ALDH18A1: variants seen among roughly 807,000 people sequenced by gnomAD.
ALDH18A1 encodes the protein delta-1-pyrroline-5-carboxylate synthase.
Under a neutral mutation model 88.8 loss-of-function variants are expected in ALDH18A1, and 44 were observed. The ratio of observed to expected loss-of-function variants is 0.50; its 90% CI spans 0.39 to 0.64. The LOEUF is 0.64. Ranked by LOEUF, ALDH18A1 falls within the 30% of genes least tolerant of loss-of-function variation. The probability of loss-of-function intolerance (pLI) is 0.00; values close to 1 mark genes in which losing one functional copy is unlikely to be tolerated. For missense variants in ALDH18A1, 782 were observed against 1,009.5 expected, an observed-to-expected ratio of 0.77 and a Z score of 3.05; for synonymous variants, 331 against 372.1, an observed-to-expected ratio of 0.89 and a Z score of 1.27.
intron 3 of ALDH18A1, among the ~76,000 whole-genome samples, chr10:95,638,164 C>T (rs1361598430): frequency 6.6e-6 from 1 of 152,260 alleles, no homozygotes; most frequent in East Asian, 1.9e-4. Flanking sequence ...CAGGCTCATG[C>T]CACCATGCCC....
chr10:95,618,567 G>T lies in ALDH18A1; in HGVS notation c.1468-1953C>A, dbSNP rs1335310988. On this transcript the variant is annotated intron_variant, in intron 12 of 17. Coordinates refer to ENST00000371224, the MANE Select transcript of ALDH18A1 (RefSeq NM_002860.4). Reference sequence around the variant, plus strand: ...TTGACCTCGTGATTCACCTGCCTGGGCCTCCCAAAGTGCTGGGATTACAGG... The same window carrying T: ...TTGACCTCGTGATTCACCTGCCTGGTCCTCCCAAAGTGCTGGGATTACAGG... Among the ~76,000 whole-genome samples, 17 of 152,156 alleles carry T rather than the reference G, an allele frequency of 1.1e-4. 1 individual carries two copies. Among genetic ancestry groups the T allele is most frequent in the Admixed American group, 1.1e-3 (17 of 15,276 alleles).
chr10:95,613,321 G>C (rs1238204697), intron 15 of ALDH18A1, among the ~76,000 whole-genome samples: 2 of 152,184 alleles, frequency 1.3e-5, no homozygotes, highest in Admixed American at 1.3e-4. Flanking sequence ...ACTAATATTG[G>C]TAACCAAAGA....
intron 7 of ALDH18A1, among the ~76,000 whole-genome samples, chr10:95,632,179 C>T (rs2097871359): frequency 6.6e-6 from 1 of 152,044 alleles, no homozygotes; most frequent in Admixed American, 6.5e-5. Flanking sequence ...ACAGGTTAAT[C>T]CATAGAAACA....
intron 1 of ALDH18A1, among the ~76,000 whole-genome samples, chr10:95,656,120 G>C (rs1193766940): frequency 2.0e-5 from 3 of 152,252 alleles, no homozygotes; most frequent in Admixed American, 6.5e-5. Context: ...GAGGGCCGCG[G>C]GGAACTAGGG....
chr10:95,621,287 G>C, intron 11 of ALDH18A1, 36 bp from the exon 12 acceptor site: 1 of 1,523,884 alleles, frequency 6.6e-7, no homozygotes, highest in Non-Finnish European at 9.0e-7. Flanking sequence ...TAAAGTAGCA[G>C]ACCTGGCAGG....
intron 11 of ALDH18A1, among the ~76,000 whole-genome samples, chr10:95,624,068 C>G (rs1023053753): frequency 6.6e-6 from 1 of 152,212 alleles, no homozygotes; most frequent in Non-Finnish European, 1.5e-5. Context: ...GAACTCAGAC[C>G]TCAGGTGATC....
At chr10:95,625,875 T>C (rs1566016709) in intron 10 of ALDH18A1, among the ~76,000 whole-genome samples, 1 of 152,096 alleles carries the variant, frequency 6.6e-6, no homozygotes, top group African/African-American at 2.4e-5. Flanking sequence ...ACATAGAGTC[T>C]TACATATTTA....
Position 95,606,108 on chromosome 10 carries a change from G to C in ALDH18A1, c.*654C>G, listed in dbSNP as rs1174710364. On this transcript the variant is annotated 3_prime_UTR_variant, in exon 18 of 18. Coordinates refer to ENST00000371224, the MANE Select transcript of ALDH18A1 (RefSeq NM_002860.4). ...CCTCCAGCTCAGTGGGGAACATCCTGAAACTTGCATCTCCTGCTGCAGCTT... is the reference window on the plus strand; with the variant it reads ...CCTCCAGCTCAGTGGGGAACATCCTCAAACTTGCATCTCCTGCTGCAGCTT... 2 of 328,992 alleles carry C rather than the reference G, an allele frequency of 6.1e-6. No individual in the cohort carries two copies. The highest frequency in any genetic ancestry group is 8.7e-6 in the Non-Finnish European group (2 of 229,498). The allele number at this position is 328,992 out of a possible 1,614,324, so 20.4% of individuals were successfully genotyped here.
chr10:95,633,200 C>G, intron 6 of ALDH18A1, 151 bp from the exon 7 acceptor site: 1 of 773,918 alleles, frequency 1.3e-6, no homozygotes, highest in Non-Finnish European at 2.2e-6. Flanking sequence ...TTGCAGGCCC[C>G]TTCTGTCTGC....
At chr10:95,617,691 T>G (rs1247240594) in intron 12 of ALDH18A1, among the ~76,000 whole-genome samples, 1 of 152,200 alleles carries the variant, frequency 6.6e-6, no homozygotes, top group African/African-American at 2.4e-5. Flanking sequence ...TTTTTAGGAT[T>G]CATGGATTCT....
chr10:95,643,253 T>A (rs1278092940), intron 2 of ALDH18A1, 47 bp from the exon 3 acceptor site: 1 of 1,580,204 alleles, frequency 6.3e-7, no homozygotes, highest in Non-Finnish European at 8.7e-7. Context: ...ATACTCAATA[T>A]AGTTTTTCAA....
intron 3 of ALDH18A1, 142 bp from the exon 4 acceptor site, chr10:95,637,578 T>C: frequency 5.2e-6 from 5 of 970,688 alleles, no homozygotes; most frequent in Non-Finnish European, 6.2e-6. Context: ...TCTGGAAGAA[T>C]CAGCCAGATT....
intron 12 of ALDH18A1, among the ~76,000 whole-genome samples, chr10:95,620,788 C>T (rs1309721167): frequency 1.4e-4 from 4 of 29,304 alleles, no homozygotes; most frequent in East Asian, 7.0e-4. Flanking sequence ...TGGGGCCTGT[C>T]GGGGGGTGGG....
At chr10:95,652,562 C>T (rs985732827) in intron 2 of ALDH18A1, among the ~76,000 whole-genome samples, 22 of 152,026 alleles carry the variant, frequency 1.4e-4, no homozygotes, top group Non-Finnish European at 3.2e-4. Context: ...ATGGCGAAAC[C>T]CTATTTCTAC....
chr10:95,620,030 T>C (rs2097849776), intron 12 of ALDH18A1, among the ~76,000 whole-genome samples: 1 of 152,186 alleles, frequency 6.6e-6, no homozygotes, highest in Non-Finnish European at 1.5e-5. Context: ...ATTTTTGCAA[T>C]CTACCTATTT....
intron 17 of ALDH18A1, among the ~76,000 whole-genome samples, chr10:95,607,421 G>C (rs1273833544): frequency 6.6e-6 from 1 of 152,180 alleles, no homozygotes; most frequent in African/African-American, 2.4e-5. Flanking sequence ...ATACATCAAA[G>C]GGTTACTGTT....
chr10:95,626,547 A>G (rs1162121302), intron 10 of ALDH18A1, among the ~76,000 whole-genome samples, 156 bp downstream of exon 10: 1 of 152,206 alleles, frequency 6.6e-6, no homozygotes, highest in Non-Finnish European at 1.5e-5. Context: ...AATTAAGAAA[A>G]AGAAAAAAGG....
rs372092118 is a variant in ALDH18A1, at chr10:95,628,475, G to T, written c.826C>A (p.Pro276Thr). ...SDVEGLFDSP[P>T]GSDDAKLIDI... ...ATAAGCTTTGCATCATCTGAACCTG[G>T]GGGGCTGTCAAAAAGGCCTAAAAAA... Residue 276 changes from proline to threonine, a missense_variant, in exon 8 of 18, where the codon CCA becomes ACA. Pro to Thr is a conservative substitution (Grantham distance 38). This residue lies in a region of ALDH18A1 where 556 missense variants were observed against 654.5 expected (regional missense o/e 0.85). Coordinates refer to ENST00000371224, the MANE Select transcript of ALDH18A1 (RefSeq NM_002860.4). 6.2e-7 allele frequency: 1 copy of T among 1,613,662 alleles called. No individual in the cohort carries two copies. The highest frequency in any genetic ancestry group is 8.5e-7 in the Non-Finnish European group (1 of 1,179,934).
chr10:95,616,800 A>G, intron 12 of ALDH18A1, 186 bp from the exon 13 acceptor site: 4 of 781,628 alleles, frequency 5.1e-6, no homozygotes, highest in Non-Finnish European at 8.3e-6. Context: ...TTTACAGATA[A>G]GGGCACTGAA....
Sources: allele counts gnomAD v4.1 joint callset (sites outside exome capture counted in the v4.1 genomes callset), GRCh38; gene constraint gnomAD v4.1.1; regional missense constraint gnomAD v4.1.1; transcripts MANE v1.5; gene names NCBI Gene and HGNC (gene_info 2026-07-23, HGNC 2026-07-21).